CSF1R: variants seen among roughly 807,000 people sequenced by gnomAD.
CSF1R encodes macrophage colony-stimulating factor 1 receptor.
A neutral mutation model predicts 110.0 loss-of-function variants in CSF1R; 40 were observed. The ratio of observed to expected loss-of-function variants is 0.36; its 90% CI spans 0.28 to 0.47. CSF1R has a LOEUF of 0.47. CSF1R is among the 20% of genes least tolerant of loss of function. CSF1R has a pLI of 0.99. For missense variants in CSF1R, 1,052 were observed against 1,253.0 expected (o/e 0.84, Z 2.42); for synonymous variants, 523 against 503.4 (o/e 1.04, Z -0.52).
rs1561934476 is a variant in CSF1R, at chr5:150,077,250, C to CT, written c.889+25dup. On this transcript the variant is annotated intron_variant, in intron 5 of 20. Transcript: ENST00000675795. ...CACACTCCTGCAGGATCCCTACCGA[C>CT]TGTCCACCACCACCCTGATGCTTAC... 4 of 1,614,170 alleles carry CT rather than the reference C, an allele frequency of 2.5e-6. No individual in the cohort carries two copies. In the Admixed American group the frequency reaches 5.0e-5, roughly 20 times the overall value.
intron 5 of CSF1R, among the ~76,000 whole-genome samples, chr5:150,076,296 G>A (rs1315245878): frequency 2.6e-5 from 4 of 152,066 alleles, no homozygotes; most frequent in Non-Finnish European, 4.4e-5. Context: ...AGCATTTCCT[G>A]TGTCAGACCC....
intron 1 of CSF1R, among the ~76,000 whole-genome samples, chr5:150,084,620 T>C (rs559136362): frequency 2.6e-4 from 40 of 151,664 alleles, no homozygotes; most frequent in Middle Eastern, 3.4e-3. Flanking sequence ...ACCCGGCTAA[T>C]TTTTGTATTT....
chr5:150,081,078 G>C, intron 1 of CSF1R, 54 bp from the exon 2 acceptor site: 1 of 1,595,188 alleles, frequency 6.3e-7, no homozygotes, highest in Non-Finnish European at 8.6e-7. Context: ...GCGCCCCTTG[G>C]GCCGTCCTGA....
At chr5:150,084,341 A>T (rs973544808) in intron 1 of CSF1R, among the ~76,000 whole-genome samples, 1 of 120,926 alleles carries the variant, frequency 8.3e-6, no homozygotes, top group African/African-American at 3.2e-5. Context: ...AAAAAGATAG[A>T]AAAAAGAAAG....
rs2113808400 is a variant in CSF1R at position 150,070,010 on chromosome 5, A to G, written c.1373T>C (p.Leu458Pro). The G allele has an allele frequency of 6.2e-7, 1 of 1,614,138 alleles. No individual in the cohort carries two copies. Among genetic ancestry groups the G allele is most frequent in the Non-Finnish European group, 8.5e-7 (1 of 1,179,994 alleles). Residue 458 changes from leucine to proline, a missense_variant, in exon 9 of 21, where the codon CTG becomes CCG. Transcript: ENST00000675795. The part of the protein sequence containing the change: ...QVWDDPYPEV[L>P]SQEPFHKVTV... Reference sequence around the variant, plus strand: ...CACCTTGTGGAAGGGCTCCTGGCTCAGGACCTCAGGGTATGGGTCATCCCA... The same window carrying G: ...CACCTTGTGGAAGGGCTCCTGGCTCGGGACCTCAGGGTATGGGTCATCCCA...
In CSF1R at chr5:150,078,195, G is replaced by C. The variant is rs758322216; in HGVS notation, c.646C>G (p.Arg216Gly). The change falls in exon 4 of 21, where the codon CGA becomes GGA. Residue 216 changes from arginine to glycine, a missense_variant. By Grantham distance (125) the Arg-to-Gly change is moderately radical. Transcript: ENST00000675795. ...CACACGATCTGGGCAGCCTCCCCTC[G>C]AATCCGCACCAGCTCTGCAGGCACC... ...TLVPAELVRIRGEAAQIVCSA... is the reference protein window; with the variant it reads ...TLVPAELVRIGGEAAQIVCSA... 6.2e-7 allele frequency: 1 copy of C among 1,614,092 alleles called. No homozygotes were observed. The highest frequency in any genetic ancestry group is 8.5e-7 in the Non-Finnish European group (1 of 1,179,998).
At chr5:150,105,026 C>A (rs1426876345) in intron 1 of CSF1R, among the ~76,000 whole-genome samples, 1 of 150,724 alleles carries the variant, frequency 6.6e-6, no homozygotes, top group African/African-American at 2.4e-5. Context: ...CTATAGGCAC[C>A]CACCACCACG....
At chr5:150,080,600 G>T (rs766707981) in intron 2 of CSF1R, among the ~76,000 whole-genome samples, 167 bp downstream of exon 2, 2 of 152,196 alleles carry the variant, frequency 1.3e-5, no homozygotes, top group Non-Finnish European at 2.9e-5. Flanking sequence ...GACCCGACTT[G>T]CAGGGTTGTT....
chr5:150,082,041 G>A (rs926960898), intron 1 of CSF1R, among the ~76,000 whole-genome samples: 1 of 152,196 alleles, frequency 6.6e-6, no homozygotes, highest in Non-Finnish European at 1.5e-5. Context: ...TCAGCCTGTG[G>A]CCCTTCTACA....
At chr5:150,097,030 C>T (rs111777640) in intron 1 of CSF1R, among the ~76,000 whole-genome samples, 2 of 152,058 alleles carry the variant, frequency 1.3e-5, no homozygotes, top group African/African-American at 4.8e-5. Flanking sequence ...GGGGGGCCAA[C>T]GTAGGAGGAT....
At chr5:150,056,172 A>G in intron 17 of CSF1R, 35 bp from the exon 18 acceptor site, 1 of 1,613,656 alleles carries the variant, frequency 6.2e-7, no homozygotes, top group South Asian at 1.1e-5. Context: ...TTGGGCCCCG[A>G]CTCTTCACCC....
At chr5:150,081,234 C>T (rs1453926521) in intron 1 of CSF1R, among the ~76,000 whole-genome samples, 1 of 152,108 alleles carries the variant, frequency 6.6e-6, no homozygotes, top group Non-Finnish European at 1.5e-5. Flanking sequence ...TCCAGGAGGT[C>T]CCTCCTCTGA....
rs1156348686 is a variant in CSF1R, at chr5:150,105,380, ATATATTTT to A, written c.-181+7873_-181+7880del. On this transcript the variant is annotated intron_variant, in intron 1 of 21. Coordinates refer to the CSF1R transcript ENST00000286301. ...AAAAAAAAAATATATATATATATAT[ATATATTTT>A]TTTTTTTTTAATAGAGGCGGGGTTA... Among the ~76,000 whole-genome samples, 814 of 85,812 alleles carry A rather than the reference ATATATTTT, an allele frequency of 9.5e-3. 17 individuals are homozygous for A. The highest frequency in any genetic ancestry group is 0.035 in the African/African-American group (773 of 21,988). 56.3% of individuals were successfully genotyped at this position (85,812 alleles called of 152,430 possible).
At chr5:150,063,509 G>A (rs1757627722) in intron 10 of CSF1R, among the ~76,000 whole-genome samples, 1 of 152,022 alleles carries the variant, frequency 6.6e-6, no homozygotes, top group East Asian at 1.9e-4. Context: ...ATCGCACCCA[G>A]CCTTGACTTT....
At chr5:150,055,391 C>T (rs72832135) in intron 18 of CSF1R, 55 bp from the exon 19 acceptor site, 20,051 of 1,423,404 alleles carry the variant, frequency 0.014, 165 homozygotes, top group Non-Finnish European at 0.017. Context: ...TCCCCATTCC[C>T]GCACACCCAC....
chr5:150,059,788 T>C lies in CSF1R; in HGVS notation c.2044A>G (p.Met682Val), dbSNP rs757201384. 12 of 1,614,216 alleles carry C rather than the reference T, an allele frequency of 7.4e-6. No individual in the cohort carries two copies. Among genetic ancestry groups the C allele is most frequent in the Non-Finnish European group, 1.0e-5 (12 of 1,180,046 alleles). ...CCGGGGCTCAGGCTGGGTCCCAGCA[T>C]GGCCTCAGCCTTCCTTCGCAGAAAG... ...LNFLRRKAEA[M>V]LGPSLSPGQD... is the part of the protein sequence containing the mutation. Residue 682 changes from methionine to valine, a missense_variant, in exon 14 of 21, where the codon ATG (methionine) becomes GTG (valine). Transcript: ENST00000675795.
intron 1 of CSF1R, among the ~76,000 whole-genome samples, chr5:150,082,470 C>T (rs1207918833): frequency 6.6e-6 from 1 of 152,258 alleles, no homozygotes; most frequent in Non-Finnish European, 1.5e-5. Context: ...GTGAATACTG[C>T]CAAGCCTGCC....
At chr5:150,076,368 A>G (rs533863404) in intron 5 of CSF1R, among the ~76,000 whole-genome samples, 3 of 138,912 alleles carry the variant, frequency 2.2e-5, no homozygotes, top group Admixed American at 7.2e-5. Context: ...CTATCTATCT[A>G]TCTATCTAAT....
intron 1 of CSF1R, among the ~76,000 whole-genome samples, chr5:150,085,828 C>CA (rs1758818137): frequency 6.6e-6 from 1 of 152,198 alleles, no homozygotes; most frequent in African/African-American, 2.4e-5. Flanking sequence ...CATCGAATCA[C>CA]AGGCTGGCAG....
Sources: gnomAD v4.1 joint callset for allele counts (sites outside exome capture counted in the v4.1 genomes callset) on GRCh38, gnomAD v4.1.1 for gene constraint, MANE v1.5 for transcripts, NCBI Gene and HGNC (gene_info 2026-07-23, HGNC 2026-07-21) for gene names.